GULP1: variants seen among roughly 807,000 people sequenced by gnomAD.
GULP1 encodes the protein GULP PTB domain containing engulfment adaptor 1, also known as PTB domain-containing engulfment adapter protein 1.
Under a neutral mutation model 40.9 loss-of-function variants are expected in GULP1, and 19 were observed. The observed-to-expected ratio is 0.46, with a 90% CI of 0.32 to 0.68. GULP1 has a LOEUF of 0.68. GULP1 is among the 30% of genes least tolerant of loss of function. The pLI is 0.03. For synonymous variants in GULP1, 119 were observed against 117.6 expected, an observed-to-expected ratio of 1.01 and a Z score of -0.08; for missense variants, 312 against 362.2, an observed-to-expected ratio of 0.86 and a Z score of 1.12.
intron 10 of GULP1, among the ~76,000 whole-genome samples, chr2:188,586,257 C>G (rs760878222): frequency 2.6e-5 from 4 of 152,116 alleles, no homozygotes; most frequent in African/African-American, 4.8e-5. Context: ...TAGACATAAT[C>G]TATATAAGTG....
intron 2 of GULP1, among the ~76,000 whole-genome samples, chr2:188,452,891 A>G (rs185187442): frequency 6.6e-5 from 10 of 152,386 alleles, no homozygotes; most frequent in Non-Finnish European, 4.4e-5. Flanking sequence ...AACATTAAGT[A>G]GTAAATAACA....
chr2:188,399,287 G>C (rs1280330549), intron 2 of GULP1, among the ~76,000 whole-genome samples: 2 of 152,134 alleles, frequency 1.3e-5, no homozygotes, highest in Admixed American at 1.3e-4. Flanking sequence ...ACAGCAGTGG[G>C]TACTTCTGTG....
intron 1 of GULP1, among the ~76,000 whole-genome samples, chr2:188,341,006 G>C (rs549655778): frequency 6.6e-6 from 1 of 152,118 alleles, no homozygotes; most frequent in East Asian, 1.9e-4. Flanking sequence ...GTTTTTATGG[G>C]TACAGGATAG....
intron 7 of GULP1, 44 bp from the exon 8 acceptor site, chr2:188,569,195 T>C (rs1337989400): frequency 1.0e-6 from 1 of 964,920 alleles, no homozygotes; most frequent in East Asian, 2.4e-5. Flanking sequence ...AAAAACAGTT[T>C]GACATATTAT....
intron 1 of GULP1, among the ~76,000 whole-genome samples, chr2:188,372,913 T>C (rs931257711): frequency 6.2e-5 from 9 of 145,382 alleles, no homozygotes; most frequent in African/African-American, 2.6e-4. Flanking sequence ...TTTTAAAGTT[T>C]TGTTAGGAGA....
chr2:188,364,726 T>TCATATACATATCTATATATATGATA (rs1309023277), intron 1 of GULP1, among the ~76,000 whole-genome samples: 4 of 150,544 alleles, frequency 2.7e-5, no homozygotes, highest in Non-Finnish European at 4.4e-5. Flanking sequence ...TATGTATATA[T>TCATATACATATCTATATATATGATA]CATATACATA....
chr2:188,447,512 A>G (rs571581893), intron 2 of GULP1, among the ~76,000 whole-genome samples: 268 of 152,294 alleles, frequency 1.8e-3, no homozygotes, highest in Non-Finnish European at 3.1e-3. Context: ...TCAGCCTGGT[A>G]TAGTGGAATG....
rs537461497 is a variant in GULP1 at position 188,581,305 on chromosome 2, G to T, written c.610-2960G>T. ...CGAAAAAAACCCTCAGGAACCTTTT[G>T]TTCAGGAGTCCCTAAGTAATGAGAC... On this transcript the variant is annotated intron_variant, in intron 9 of 11. Coordinates refer to ENST00000409830, the MANE Select transcript of GULP1 (RefSeq NM_016315.4). Among the ~76,000 whole-genome samples the T allele has an allele frequency of 2.6e-5, 4 of 152,168 alleles. No homozygotes were observed. The South Asian group carries it at 8.3e-4, about 32-fold the overall frequency.
intron 1 of GULP1, among the ~76,000 whole-genome samples, chr2:188,357,666 A>G (rs1457358743): frequency 1.3e-5 from 2 of 152,150 alleles, no homozygotes; most frequent in Non-Finnish European, 2.9e-5. Context: ...TGAAAATAGA[A>G]TTGCCGTATG....
At chr2:188,458,368 A>T (rs1228397697) in intron 2 of GULP1, among the ~76,000 whole-genome samples, 1 of 151,972 alleles carries the variant, frequency 6.6e-6, no homozygotes, top group Non-Finnish European at 1.5e-5. Context: ...AGTCTATCTC[A>T]CCCTCCATTT....
At chr2:188,436,271 T>C (rs2152841058) in intron 2 of GULP1, among the ~76,000 whole-genome samples, 1 of 152,208 alleles carries the variant, frequency 6.6e-6, no homozygotes, top group South Asian at 2.1e-4. Flanking sequence ...TCTTTTATTA[T>C]GGAGGAATTC....
chr2:188,541,402 G>T (rs761812212), intron 7 of GULP1, 84 bp downstream of exon 7: 1 of 1,084,462 alleles, frequency 9.2e-7, no homozygotes, highest in South Asian at 1.2e-5. Flanking sequence ...CAAAGTATTT[G>T]AAAATGAATA....
chr2:188,348,350 CT>C (rs2043979983), intron 1 of GULP1, among the ~76,000 whole-genome samples: 1 of 152,106 alleles, frequency 6.6e-6, no homozygotes, highest in South Asian at 2.1e-4. Flanking sequence ...AAGCACTGGC[CT>C]TTTTACTGCC....
rs1026106798 is a variant in GULP1, at chr2:188,535,149, T to A, written c.261+5954T>A. Among the ~76,000 whole-genome samples the A allele has an allele frequency of 3.3e-5, 5 of 151,684 alleles. No homozygotes were observed. In the South Asian group the frequency reaches 1.0e-3, roughly 32 times the overall value. ...AGTTAATATTAAAAATTAATTTCTA[T>A]TTTTTCTGTTATTTATTTCTACTCG... On this transcript the variant is annotated intron_variant, in intron 6 of 11. Transcript: ENST00000409830.
intron 2 of GULP1, among the ~76,000 whole-genome samples, chr2:188,395,311 G>C (rs182021401): frequency 2.2e-4 from 34 of 152,360 alleles, no homozygotes; most frequent in Admixed American, 2.0e-3. Context: ...TCCAAGTAGA[G>C]TGGAATTCTA....
chr2:188,479,907 G>T (rs1465575012), intron 3 of GULP1, among the ~76,000 whole-genome samples: 1 of 152,064 alleles, frequency 6.6e-6, no homozygotes, highest in Non-Finnish European at 1.5e-5. Context: ...AGAAGCACTT[G>T]TTATTTCCTG....
chr2:188,564,637 C>T (rs1216387016), intron 7 of GULP1, among the ~76,000 whole-genome samples: 1 of 151,844 alleles, frequency 6.6e-6, no homozygotes, highest in Non-Finnish European at 1.5e-5. Flanking sequence ...GTGGTTAATT[C>T]TACCAAATTG....
intron 3 of GULP1, 130 bp from the exon 4 acceptor site, chr2:188,483,301 T>C: frequency 2.2e-6 from 1 of 448,152 alleles, no homozygotes; most frequent in East Asian, 3.5e-5. Context: ...TGAGTGGTTA[T>C]TCTTTGTCAT....
intron 1 of GULP1, among the ~76,000 whole-genome samples, chr2:188,377,014 A>T (rs756860852): frequency 3.3e-5 from 5 of 152,112 alleles, no homozygotes; most frequent in Non-Finnish European, 5.9e-5. Context: ...TCTACTAAAA[A>T]TACAAAAATT....
Sources: allele counts gnomAD v4.1 joint callset (sites outside exome capture counted in the v4.1 genomes callset), GRCh38; gene constraint gnomAD v4.1.1; transcripts MANE v1.5; gene names NCBI Gene and HGNC (gene_info 2026-07-23, HGNC 2026-07-21).